Variants in PPP1R12B observed in about 807,000 individuals in gnomAD.
PPP1R12B encodes the protein protein phosphatase 1 regulatory subunit 12B.
PPP1R12B carries 76 observed loss-of-function variants against 126.1 expected under a neutral mutation model. The observed-to-expected ratio is 0.60, with a 90% confidence interval of 0.50 to 0.73. PPP1R12B has a LOEUF of 0.73. Among genes scored for constraint, PPP1R12B ranks in the 30% least tolerant of loss-of-function variants. PPP1R12B has a pLI of 0.00. For missense variants in PPP1R12B, 1,052 were observed against 1,205.1 expected, an observed-to-expected ratio of 0.87 and a Z score of 1.88; for synonymous variants, 356 against 434.7, an observed-to-expected ratio of 0.82 and a Z score of 2.25.
intron 1 of PPP1R12B, among the ~76,000 whole-genome samples, chr1:202,389,724 C>A (rs1186536427): frequency 6.6e-6 from 1 of 151,918 alleles, no homozygotes; most frequent in African/African-American, 2.4e-5. Context: ...GTCAGGAGTT[C>A]GAGACCAGCC....
chr1:202,484,416 C>CTTT (rs1297607474), intron 13 of PPP1R12B, among the ~76,000 whole-genome samples: 1 of 152,120 alleles, frequency 6.6e-6, no homozygotes, highest in Non-Finnish European at 1.5e-5. Flanking sequence ...CTGTAATTTA[C>CTTT]TTTTTTACCT....
At chr1:202,374,066 T>C (rs779932508) in intron 1 of PPP1R12B, among the ~76,000 whole-genome samples, 14 of 152,322 alleles carry the variant, frequency 9.2e-5, no homozygotes, top group Non-Finnish European at 1.8e-4. Flanking sequence ...GTGACAGTTA[T>C]CAGCTGTAGC....
intron 17 of PPP1R12B, among the ~76,000 whole-genome samples, chr1:202,495,895 A>G (rs1197084872): frequency 6.6e-6 from 1 of 152,242 alleles, no homozygotes; most frequent in Non-Finnish European, 1.5e-5. Flanking sequence ...TGCTAAGCAC[A>G]TGGTAGGCAC....
At position 202,563,905 on chromosome 1, in the gene PPP1R12B, C is replaced by T. The variant is rs948757586; in HGVS notation, c.2653-538C>T. ...CAATATAGTGAGACCCCCATCTCCA[C>T]AAAAAATTGAAAAATTAGCTGGGCA... On this transcript the variant is annotated intron_variant, in intron 20 of 23. Transcript: ENST00000608999. 3.9e-5 allele frequency among the ~76,000 whole-genome samples: 6 copies of T among 151,952 alleles called. No homozygotes were observed. In the East Asian group the frequency reaches 9.6e-4, roughly 24 times the overall value.
intron 1 of PPP1R12B, 106 bp downstream of exon 1, chr1:202,349,248 C>A: frequency 7.6e-7 from 1 of 1,315,240 alleles, no homozygotes; most frequent in Non-Finnish European, 1.0e-6. Flanking sequence ...ACTCCTTCTG[C>A]ATGGACACTG....
rs370267994 is a variant in PPP1R12B at position 202,577,478 on chromosome 1, AT to A, written c.2863-2992del. On this transcript the variant is annotated intron_variant, in intron 23 of 23. Coordinates refer to ENST00000608999, the MANE Select transcript of PPP1R12B (RefSeq NM_002481.4). Reference sequence around the variant, plus strand: ...AACCCTAAGATACTTATTGTCTGGCATTTTACAGAAAAAGCTTGCCGATTCT... The same window carrying A: ...AACCCTAAGATACTTATTGTCTGGCATTTACAGAAAAAGCTTGCCGATTCT... Among the ~76,000 whole-genome samples the A allele has an allele frequency of 7.0e-3, 1,069 of 152,278 alleles. 14 individuals are homozygous for A. The highest frequency in any genetic ancestry group is 0.025 in the African/African-American group (1,028 of 41,540).
intron 1 of PPP1R12B, among the ~76,000 whole-genome samples, chr1:202,386,302 G>C (rs1663129029): frequency 6.6e-6 from 1 of 151,540 alleles, no homozygotes; most frequent in Admixed American, 6.6e-5. Flanking sequence ...GAATACTTAT[G>C]ATGGGTTTCT....
chr1:202,434,872 A>G, intron 9 of PPP1R12B, 104 bp downstream of exon 9: 1 of 1,508,758 alleles, frequency 6.6e-7, no homozygotes, highest in Non-Finnish European at 8.8e-7. Context: ...ATAAAAATAC[A>G]TTTTTCCTGT....
At chr1:202,495,124 T>G (rs543367883) in intron 15 of PPP1R12B, among the ~76,000 whole-genome samples, 169 bp from the exon 16 acceptor site, 1 of 151,302 alleles carries the variant, frequency 6.6e-6, no homozygotes, top group East Asian at 1.9e-4. Flanking sequence ...TCTAATTAAC[T>G]AACTTTAGCT....
At chr1:202,527,817 C>T (rs549973059) in intron 18 of PPP1R12B, among the ~76,000 whole-genome samples, 1 of 152,098 alleles carries the variant, frequency 6.6e-6, no homozygotes, top group East Asian at 1.9e-4. Context: ...AAGAAGGAAG[C>T]GAGAATCTAC....
intron 1 of PPP1R12B, among the ~76,000 whole-genome samples, chr1:202,389,674 A>G (rs1663787508): frequency 6.6e-6 from 1 of 152,070 alleles, no homozygotes; most frequent in Non-Finnish European, 1.5e-5. Context: ...CGAGGTGGCT[A>G]ATCCCAGCAC....
intron 1 of PPP1R12B, among the ~76,000 whole-genome samples, chr1:202,350,449 TAAA>T (rs1028915872): frequency 2.0e-5 from 3 of 152,140 alleles, no homozygotes; most frequent in African/African-American, 4.8e-5. Flanking sequence ...AGTTAGAAAG[TAAA>T]GAAGTGGCCC....
In PPP1R12B at chr1:202,473,131, G is replaced by T. The variant is rs561954749; in HGVS notation, c.1851-15402G>T. Among the ~76,000 whole-genome samples the T allele has an allele frequency of 7.9e-5, 12 of 152,300 alleles. 1 individual carries two copies. The East Asian group carries it at 2.3e-3, about 29-fold the overall frequency. ...AAATTCTTAATGGAATTGTAGCTTT[G>T]ATTCGTTGCTTAAACATCAGCTCTG... On this transcript the variant is annotated intron_variant, in intron 13 of 23. Coordinates refer to ENST00000608999, the MANE Select transcript of PPP1R12B (RefSeq NM_002481.4).
intron 18 of PPP1R12B, among the ~76,000 whole-genome samples, chr1:202,538,787 A>G (rs1183801848): frequency 6.6e-6 from 1 of 152,224 alleles, no homozygotes; most frequent in Admixed American, 6.5e-5. Context: ...ACACTATGCA[A>G]ATAAATTCCT....
chr1:202,404,562 C>T (rs1228270430), intron 1 of PPP1R12B, among the ~76,000 whole-genome samples: 3 of 151,952 alleles, frequency 2.0e-5, no homozygotes, highest in South Asian at 2.1e-4. Context: ...AGTGCAGTGG[C>T]GTGTCTTGGC....
intron 23 of PPP1R12B, among the ~76,000 whole-genome samples, chr1:202,571,915 C>T (rs754196631): frequency 6.6e-6 from 1 of 152,214 alleles, no homozygotes; most frequent in African/African-American, 2.4e-5. Context: ...GTTTGCAGAT[C>T]GTCCAGCACC....
At chr1:202,562,552 T>G (rs1687630319) in intron 19 of PPP1R12B, 1 of 690,922 alleles carries the variant, frequency 1.4e-6, no homozygotes, top group African/African-American at 1.7e-5. Flanking sequence ...TCAATAAGCT[T>G]CATTCTTGGC....
At chr1:202,369,002 G>A (rs1294911024) in intron 1 of PPP1R12B, among the ~76,000 whole-genome samples, 1 of 152,190 alleles carries the variant, frequency 6.6e-6, no homozygotes, top group Non-Finnish European at 1.5e-5. Context: ...ACAGGCATGA[G>A]CCACTATGCC....
chr1:202,519,387 C>T (rs971325621), intron 18 of PPP1R12B, among the ~76,000 whole-genome samples: 1 of 152,090 alleles, frequency 6.6e-6, no homozygotes, highest in African/African-American at 2.4e-5. Context: ...GCCTCCACCT[C>T]CTGAGTAGCT....
Sources: gnomAD v4.1 joint callset for allele counts (sites outside exome capture counted in the v4.1 genomes callset) on GRCh38, gnomAD v4.1.1 for gene constraint, MANE v1.5 for transcripts, NCBI Gene and HGNC (gene_info 2026-07-23, HGNC 2026-07-21) for gene names.